The following PCCA variants were observed in gnomAD, a reference collection of about 807,000 sequenced individuals.
PCCA encodes propionyl-CoA carboxylase subunit alpha.
A neutral mutation model predicts 101.3 loss-of-function variants in PCCA; 74 were observed. The observed-to-expected ratio is 0.73, with a 90% CI of 0.61 to 0.89. The LOEUF is 0.89. Among genes scored for constraint, PCCA ranks in the 40% least tolerant of loss-of-function variants. PCCA has a pLI of 0.00. For missense variants in PCCA, 891 were observed against 907.0 expected, an observed-to-expected ratio of 0.98 and a Z score of 0.23; for synonymous variants, 294 against 313.6, an observed-to-expected ratio of 0.94 and a Z score of 0.66.
intron 14 of PCCA, 45 bp from the exon 15 acceptor site, chr13:100,307,147 C>G: frequency 7.3e-7 from 1 of 1,376,794 alleles, no homozygotes; most frequent in Non-Finnish European, 1.0e-6. Context: ...AAAAAAATAT[C>G]TACACAATAT....
intron 16 of PCCA, among the ~76,000 whole-genome samples, chr13:100,327,204 A>G (rs1441553458): frequency 4.6e-5 from 7 of 152,186 alleles, no homozygotes; most frequent in Non-Finnish European, 7.4e-5. Flanking sequence ...AAGTTTCCTT[A>G]TGGTCTTTGA....
chr13:100,244,929 CTGTGTGTGTGTG>C (rs3223372), intron 8 of PCCA, among the ~76,000 whole-genome samples: 11 of 141,608 alleles, frequency 7.8e-5, no homozygotes, highest in South Asian at 2.2e-4. Flanking sequence ...TGAGGAAAGG[CTGTGTGTGTGTG>C]TGTGTGTGTG....
At position 100,400,629 on chromosome 13, in the gene PCCA, TC is replaced by T. The variant is rs869051835; in HGVS notation, c.1747-25003del. Among the ~76,000 whole-genome samples, 562 of 99,002 alleles carry T rather than the reference TC, an allele frequency of 5.7e-3. 47 individuals carry two copies. The highest frequency in any genetic ancestry group is 0.026 in the African/African-American group (482 of 18,398). 64.9% of individuals were successfully genotyped at this position (99,002 alleles called of 152,430 possible). A position where few individuals can be genotyped will look rare whatever the true frequency, so the allele number is the denominator to read the frequency against. On this transcript the variant is annotated intron_variant, in intron 19 of 23. Coordinates refer to ENST00000376285, the MANE Select transcript of PCCA (RefSeq NM_000282.4). ...ATGATTGATCTTAGTTCTTTTTAGTTCTTTTTTTTTTTTTTTTTGAGAGTTT... is the reference window on the plus strand; with the variant it reads ...ATGATTGATCTTAGTTCTTTTTAGTTTTTTTTTTTTTTTTTTTGAGAGTTT...
chr13:100,264,659 C>T (rs951570999), intron 10 of PCCA, among the ~76,000 whole-genome samples: 6 of 151,984 alleles, frequency 3.9e-5, no homozygotes, highest in African/African-American at 1.4e-4. Flanking sequence ...TTTTTAGTTT[C>T]TTTATATTAG....
Position 100,425,725 on chromosome 13 carries a change from T to C in PCCA, c.1839T>C (p.Thr613=). Residue 613 remains threonine, a synonymous_variant, in exon 20 of 24, where the codon ACT becomes ACC. Transcript: ENST00000376285. ...LSVSVDGTQR[T]VQCLSREAGG... ...TCAGCGTTGATGGCACTCAGAGGAC[T>C]GTCCAGGTGAGTGTTGTAAGGATTT... 6.2e-7 allele frequency: 1 copy of C among 1,609,098 alleles called. No individual in the cohort carries two copies. The highest frequency in any genetic ancestry group is 8.5e-7 in the Non-Finnish European group (1 of 1,175,392).
chr13:100,348,872 C>CT (rs202034592), intron 18 of PCCA, among the ~76,000 whole-genome samples: 48,510 of 106,906 alleles, frequency 0.45, 12,981 homozygotes, highest in Middle Eastern at 0.58. Context: ...CCTCCCTTTC[C>CT]TTTCTTTCTT....
At chr13:100,357,560 C>G (rs549574448) in intron 18 of PCCA, among the ~76,000 whole-genome samples, 10 of 152,266 alleles carry the variant, frequency 6.6e-5, no homozygotes, top group Non-Finnish European at 1.2e-4. Flanking sequence ...AGTTTCAGTT[C>G]CTACAATGGC....
At chr13:100,477,894 C>G (rs539554283) in intron 21 of PCCA, among the ~76,000 whole-genome samples, 1 of 152,200 alleles carries the variant, frequency 6.6e-6, no homozygotes, top group Non-Finnish European at 1.5e-5. Context: ...CTTCTTGTCC[C>G]GTCTGCAGAG....
intron 18 of PCCA, among the ~76,000 whole-genome samples, chr13:100,341,983 G>A (rs9557420): frequency 0.019 from 1,184 of 62,376 alleles, 14 homozygotes; most frequent in African/African-American, 0.059. Flanking sequence ...ATATATATAT[G>A]TATTTATGTG....
chr13:100,273,342 TC>T lies in PCCA; in HGVS notation c.1063del (p.Gln355ArgfsTer15), dbSNP rs2063433284. ...TATTTCTTGGAAATGAATACAAGAC[TC>T]CAGGTAACAACAACTGTTATTTATT... is the stretch of plus-strand genomic sequence containing the variant. ...NFYFLEMNTRLQVEHPVTECI... is the reference protein window; with the variant it reads ...NFYFLEMNTRXQVEHPVTECI... On this transcript the variant is annotated frameshift_variant, in exon 12 of 24. Transcript: ENST00000376285. LOFTEE classifies it high-confidence loss of function. 6.2e-7 allele frequency: 1 copy of T among 1,610,510 alleles called. No individual in the cohort carries two copies. Among genetic ancestry groups the T allele is most frequent in the South Asian group, 1.1e-5 (1 of 91,010 alleles).
At chr13:100,169,243 A>G (rs972893783) in intron 6 of PCCA, among the ~76,000 whole-genome samples, 5 of 127,844 alleles carry the variant, frequency 3.9e-5, no homozygotes, top group African/African-American at 1.4e-4. Flanking sequence ...GCAGTTTGAG[A>G]CCAACCTGGC....
At chr13:100,347,041 T>A (rs1455633393) in intron 18 of PCCA, among the ~76,000 whole-genome samples, 1 of 152,010 alleles carries the variant, frequency 6.6e-6, no homozygotes, top group Non-Finnish European at 1.5e-5. Context: ...ACCCCACTAA[T>A]TTTTTTGTAT....
intron 2 of PCCA, among the ~76,000 whole-genome samples, chr13:100,108,736 GT>G (rs981818339): frequency 3.9e-5 from 6 of 152,198 alleles, no homozygotes; most frequent in African/African-American, 1.4e-4. Flanking sequence ...CAGAGGGGCA[GT>G]TTTAAGGTTG....
intron 7 of PCCA, 59 bp from the exon 8 acceptor site, chr13:100,235,783 A>T: frequency 8.6e-7 from 1 of 1,158,206 alleles, no homozygotes. Flanking sequence ...TGACTGCCCT[A>T]AAGACATTGT....
chr13:100,420,150 A>G (rs998525260), intron 19 of PCCA, among the ~76,000 whole-genome samples: 1 of 152,218 alleles, frequency 6.6e-6, no homozygotes, highest in African/African-American at 2.4e-5. Flanking sequence ...TTATCCCCAC[A>G]CTGAATTTGA....
At chr13:100,436,490 G>A (rs2079947559) in intron 20 of PCCA, among the ~76,000 whole-genome samples, 1 of 152,172 alleles carries the variant, frequency 6.6e-6, no homozygotes, top group South Asian at 2.1e-4. Flanking sequence ...AAGGTGGGTG[G>A]TTTGCAAAGG....
At position 100,154,860 on chromosome 13, in the gene PCCA, A is replaced by G. The variant is rs143420361; in HGVS notation, c.301-119A>G. ...TGCTTTTTAGTGCATACTCAAAAAG[A>G]AATACGACTCTATAAATGATAGGCA... On this transcript the variant is annotated intron_variant, in intron 4 of 23. Transcript: ENST00000376285. 229 of 769,368 alleles carry G rather than the reference A, an allele frequency of 3.0e-4. No homozygotes were observed. The African/African-American group carries it at 3.1e-3, about 10-fold the overall frequency. The allele number at this position is 769,368 out of a possible 1,614,324, so 47.7% of individuals were successfully genotyped here.
chr13:100,354,074 A>AAATAAT (rs35218503), intron 18 of PCCA, among the ~76,000 whole-genome samples: 12,999 of 128,956 alleles, frequency 0.1, 802 homozygotes, highest in African/African-American at 0.16. Context: ...CCATCTCTAC[A>AAATAAT]AATAATAATA....
rs2066053673 is a variant in PCCA at position 100,301,511 on chromosome 13, A to G, written c.1117A>G (p.Met373Val). The change falls in exon 13 of 24, where the codon ATG becomes GTG. Residue 373 changes from methionine to valine, a missense_variant. Physicochemically the swap from Met to Val is conservative, Grantham distance 21. Coordinates refer to ENST00000376285, the MANE Select transcript of PCCA (RefSeq NM_000282.4). ...CITGLDLVQEMIRVAKGYPLR... is the reference protein window; with the variant it reads ...CITGLDLVQEVIRVAKGYPLR... ...TACTGGCCTGGACCTAGTCCAGGAA[A>G]TGATCCGTGTTGCTAAGGGCTACCC... 1 of 1,614,068 alleles carries G rather than the reference A, an allele frequency of 6.2e-7. No homozygotes were observed. Among genetic ancestry groups the G allele is most frequent in the Admixed American group, 1.7e-5 (1 of 60,024 alleles).
Sources: gnomAD v4.1 joint callset for allele counts (sites outside exome capture counted in the v4.1 genomes callset) on GRCh38, gnomAD v4.1.1 for gene constraint, MANE v1.5 for transcripts, NCBI Gene and HGNC (gene_info 2026-07-23, HGNC 2026-07-21) for gene names.